MAN1A2: variants seen among roughly 807,000 people sequenced by gnomAD.
MAN1A2 encodes the protein mannosidase alpha class 1A member 2, also known as mannosyl-oligosaccharide 1,2-alpha-mannosidase IB.
A neutral mutation model predicts 75.7 loss-of-function variants in MAN1A2; 26 were observed. The observed-to-expected ratio is 0.34, with a 90% CI of 0.25 to 0.48. The LOEUF (loss-of-function observed/expected upper bound fraction) is 0.48. MAN1A2 is among the 20% of genes least tolerant of loss of function. MAN1A2 has a pLI of 0.99. For missense variants in MAN1A2, 562 were observed against 775.5 expected, an observed-to-expected ratio of 0.72 and a Z score of 3.27; for synonymous variants, 247 against 264.6, an observed-to-expected ratio of 0.93 and a Z score of 0.65.
chr1:117,448,562 T>C (rs57983526), intron 6 of MAN1A2, among the ~76,000 whole-genome samples: 1,595 of 152,238 alleles, frequency 0.01, 19 homozygotes, highest in African/African-American at 0.035. Flanking sequence ...GAGAAATATA[T>C]GAAATAAAAA....
At chr1:117,458,495 A>ATC (rs1027788043) in intron 6 of MAN1A2, among the ~76,000 whole-genome samples, 70 of 54,908 alleles carry the variant, frequency 1.3e-3, no homozygotes, top group African/African-American at 4.9e-3. Context: ...ATATATATAT[A>ATC]TCTATATATA....
intron 7 of MAN1A2, among the ~76,000 whole-genome samples, chr1:117,463,467 C>T (rs936819775): frequency 6.6e-6 from 1 of 151,862 alleles, no homozygotes; most frequent in African/African-American, 2.4e-5. Flanking sequence ...AGTAGAAGTA[C>T]ACTAGTACTC....
chr1:117,482,862 T>A (rs1650543903), intron 8 of MAN1A2, among the ~76,000 whole-genome samples: 1 of 152,158 alleles, frequency 6.6e-6, no homozygotes, highest in Non-Finnish European at 1.5e-5. Context: ...CTAGGGTTTT[T>A]ATGGTTTTAG....
chr1:117,402,478 G>A, intron 2 of MAN1A2, 37 bp downstream of exon 2: 2 of 1,540,344 alleles, frequency 1.3e-6, no homozygotes, highest in Non-Finnish European at 1.7e-6. Context: ...AGTGTTTATG[G>A]ATTTGTATTT....
intron 8 of MAN1A2, among the ~76,000 whole-genome samples, chr1:117,483,180 C>T (rs1650554836): frequency 6.6e-6 from 1 of 152,074 alleles, no homozygotes; most frequent in African/African-American, 2.4e-5. Context: ...CGTGATGTCT[C>T]CAACTTTGTT....
intron 8 of MAN1A2, among the ~76,000 whole-genome samples, chr1:117,489,708 T>C (rs899511814): frequency 6.6e-6 from 1 of 152,226 alleles, no homozygotes; most frequent in Non-Finnish European, 1.5e-5. Flanking sequence ...AGACCAGATA[T>C]GTTCTTATAT....
intron 6 of MAN1A2, among the ~76,000 whole-genome samples, chr1:117,457,173 AT>A (rs1171583637): frequency 6.6e-5 from 10 of 152,090 alleles, no homozygotes; most frequent in African/African-American, 2.4e-4. Context: ...ACTTAGGGTG[AT>A]TTACTGTCAA....
intron 5 of MAN1A2, among the ~76,000 whole-genome samples, chr1:117,435,394 C>T (rs911150729): frequency 6.6e-6 from 1 of 152,078 alleles, no homozygotes; most frequent in Admixed American, 6.5e-5. Context: ...AGGAAGAACT[C>T]GTGAATAATA....
chr1:117,457,594 G>A (rs1251132949), intron 6 of MAN1A2, among the ~76,000 whole-genome samples: 1 of 152,028 alleles, frequency 6.6e-6, no homozygotes, highest in Non-Finnish European at 1.5e-5. Context: ...TTTGAAAAGT[G>A]TTACTTTTTG....
At chr1:117,395,367 A>G (rs962631790) in intron 1 of MAN1A2, among the ~76,000 whole-genome samples, 7 of 152,136 alleles carry the variant, frequency 4.6e-5, no homozygotes, top group Admixed American at 3.3e-4. Context: ...TGAACAAACT[A>G]TTTTTCTCTT....
chr1:117,419,680 A>G (rs1648123864), intron 4 of MAN1A2, among the ~76,000 whole-genome samples: 1 of 151,930 alleles, frequency 6.6e-6, no homozygotes, highest in Non-Finnish European at 1.5e-5. Flanking sequence ...GTTCTCTGCC[A>G]CTTCTGCTTT....
rs1017090834 is a variant in MAN1A2, at chr1:117,523,334, C to T, written c.*377C>T. ...CAGGAGTTCAAGATGGCCTTTGGAA[C>T]CAATTATGTATTTGTTTCCTCCTAC... On this transcript the variant is annotated 3_prime_UTR_variant, in exon 13 of 13. Coordinates refer to ENST00000356554, the MANE Select transcript of MAN1A2 (RefSeq NM_006699.5). The T allele has an allele frequency of 1.5e-5, 7 of 469,496 alleles. No homozygotes were observed. Among genetic ancestry groups the T allele is most frequent in the African/African-American group, 1.4e-4 (7 of 49,862 alleles). The allele number at this position is 469,496 out of a possible 1,614,324, so 29.1% of individuals were successfully genotyped here. A position where few individuals can be genotyped will look rare whatever the true frequency, so the allele number is the denominator to read the frequency against.
At chr1:117,507,918 CTCT>C (rs1651422718) in intron 12 of MAN1A2, among the ~76,000 whole-genome samples, 1 of 151,650 alleles carries the variant, frequency 6.6e-6, no homozygotes, top group Non-Finnish European at 1.5e-5. Flanking sequence ...GGTCAAAAGT[CTCT>C]TAAGCTGAAA....
At chr1:117,461,317 T>G (rs1649812844) in intron 7 of MAN1A2, among the ~76,000 whole-genome samples, 1 of 152,312 alleles carries the variant, frequency 6.6e-6, no homozygotes, top group East Asian at 1.9e-4. Context: ...ACACGTATTA[T>G]GTGTTCTCAT....
At chr1:117,457,283 C>T (rs1320279475) in intron 6 of MAN1A2, among the ~76,000 whole-genome samples, 2 of 151,932 alleles carry the variant, frequency 1.3e-5, no homozygotes, top group Non-Finnish European at 2.9e-5. Context: ...GTATTCATTG[C>T]AAATTTTTTG....
Position 117,528,792 on chromosome 1 carries a change from T to C in MAN1A2, c.*5835T>C, listed in dbSNP as rs774006744. ...CTGCTCCTAAACTGGTTTCCAGTCATGTCCTCCAGTATGTGATTTTTATAA... is the reference window on the plus strand; with the variant it reads ...CTGCTCCTAAACTGGTTTCCAGTCACGTCCTCCAGTATGTGATTTTTATAA... On this transcript the variant is annotated 3_prime_UTR_variant, in exon 13 of 13. Coordinates refer to ENST00000356554, the MANE Select transcript of MAN1A2 (RefSeq NM_006699.5). The C allele has an allele frequency of 6.6e-6, 1 of 152,118 alleles. No homozygotes were observed. The highest frequency in any genetic ancestry group is 1.5e-5 in the Non-Finnish European group (1 of 68,002). The allele number at this position is 152,118 out of a possible 1,614,324, so 9.4% of individuals were successfully genotyped here.
At chr1:117,505,917 G>C (rs1310671484) in intron 12 of MAN1A2, among the ~76,000 whole-genome samples, 1 of 151,198 alleles carries the variant, frequency 6.6e-6, no homozygotes, top group Non-Finnish European at 1.5e-5. Context: ...ATACATAATG[G>C]TAATGGTAAA....
At position 117,442,082 on chromosome 1, in the gene MAN1A2, A is replaced by G. The variant is rs1021524130; in HGVS notation, c.856-149A>G. 33 of 446,242 alleles carry G rather than the reference A, an allele frequency of 7.4e-5. No individual in the cohort carries two copies. In the Admixed American group the frequency reaches 1.1e-3, roughly 15 times the overall value. 27.6% of individuals were successfully genotyped at this position (446,242 alleles called of 1,614,324 possible). A position where few individuals can be genotyped will look rare whatever the true frequency, so the allele number is the denominator to read the frequency against. On this transcript the variant is annotated intron_variant, in intron 5 of 12. Transcript: ENST00000356554. ...TTGCAAACATGCTCTCTGATTGCCAAATGCTGCCTGGTACCAATGAGATGC... is the reference window on the plus strand; with the variant it reads ...TTGCAAACATGCTCTCTGATTGCCAGATGCTGCCTGGTACCAATGAGATGC...
At position 117,406,771 on chromosome 1, in the gene MAN1A2, G is replaced by A. The variant is rs545856408; in HGVS notation, c.655+1126G>A. Among the ~76,000 whole-genome samples, 3 of 152,072 alleles carry A rather than the reference G, an allele frequency of 2.0e-5. No homozygotes were observed. In the East Asian group the frequency reaches 5.8e-4, roughly 29 times the overall value. On this transcript the variant is annotated intron_variant, in intron 3 of 12. Transcript: ENST00000356554. ...CTGCTTTGTGGATGTCACAATATGA[G>A]GCGTTAGTGCAATAAAGACATTAAA...
Sources: gnomAD v4.1 joint callset for allele counts (sites outside exome capture counted in the v4.1 genomes callset) on GRCh38, gnomAD v4.1.1 for gene constraint, MANE v1.5 for transcripts, NCBI Gene and HGNC (gene_info 2026-07-23, HGNC 2026-07-21) for gene names.